SLC15A5: variants seen among roughly 807,000 people sequenced by gnomAD.
SLC15A5 encodes the protein solute carrier family 15 member 5.
SLC15A5 carries 58 observed loss-of-function variants against 56.1 expected under a neutral mutation model. The observed-to-expected ratio is 1.03, with a 90% CI of 0.84 to 1.29. The LOEUF (loss-of-function observed/expected upper bound fraction) is 1.29, where lower values mean the gene tolerates loss of function less well. Among genes scored for constraint, SLC15A5 ranks in the 50% most tolerant of loss-of-function variants. The pLI, the probability that SLC15A5 is intolerant of heterozygous loss-of-function variation, is 0.00. For missense variants in SLC15A5, 681 were observed against 672.1 expected (o/e 1.01, Z -0.15); for synonymous variants, 264 against 250.5 (o/e 1.05, Z -0.51).
At chr12:16,256,566 TAATA>T (rs1298347366) in intron 3 of SLC15A5, among the ~76,000 whole-genome samples, 1 of 152,144 alleles carries the variant, frequency 6.6e-6, no homozygotes, top group East Asian at 1.9e-4. Flanking sequence ...TTTTAAAAAA[TAATA>T]AATTAGGGGC....
At chr12:16,219,982 T>C (rs1373579375) in intron 6 of SLC15A5, among the ~76,000 whole-genome samples, 1 of 152,146 alleles carries the variant, frequency 6.6e-6, no homozygotes, top group Non-Finnish European at 1.5e-5. Context: ...TGAGGAATCT[T>C]CAAAATATAG....
At chr12:16,239,952 G>A in intron 4 of SLC15A5, 85 bp from the exon 5 acceptor site, 1 of 1,211,320 alleles carries the variant, frequency 8.3e-7, no homozygotes, top group South Asian at 1.6e-5. Flanking sequence ...CTACCCTCTT[G>A]CACGTACTCT....
rs999413544 is a variant in SLC15A5 at position 16,242,645 on chromosome 12, G to C, written c.975+1935C>G. On this transcript the variant is annotated intron_variant, in intron 4 of 8. Transcript: ENST00000344941. Reference sequence around the variant, plus strand: ...TGCTTTGCAATAAGTTGCACATCTAGATTTGGTGATATGCTTAAAAATTAG... The same window carrying C: ...TGCTTTGCAATAAGTTGCACATCTACATTTGGTGATATGCTTAAAAATTAG... 2.6e-5 allele frequency among the ~76,000 whole-genome samples: 4 copies of C among 152,168 alleles called. No homozygotes were observed. The South Asian group carries it at 8.3e-4, about 32-fold the overall frequency.
chr12:16,204,349 T>C (rs924770891), intron 7 of SLC15A5, among the ~76,000 whole-genome samples: 1 of 150,870 alleles, frequency 6.6e-6, no homozygotes, highest in African/African-American at 2.4e-5. Context: ...CCCAGCTAGT[T>C]GGGAGGCTGA....
At chr12:16,195,800 A>G (rs957876397) in intron 7 of SLC15A5, among the ~76,000 whole-genome samples, 1 of 152,150 alleles carries the variant, frequency 6.6e-6, no homozygotes, top group Non-Finnish European at 1.5e-5. Context: ...CAGCAAGTGC[A>G]TAAGTATGAC....
chr12:16,219,612 A>T (rs1864166804), intron 6 of SLC15A5, among the ~76,000 whole-genome samples: 1 of 152,050 alleles, frequency 6.6e-6, no homozygotes, highest in African/African-American at 2.4e-5. Flanking sequence ...CTGCTGGTTA[A>T]TCTCTCTTTG....
intron 3 of SLC15A5, among the ~76,000 whole-genome samples, chr12:16,250,115 T>G (rs1380820957): frequency 1.3e-5 from 2 of 152,058 alleles, no homozygotes; most frequent in Non-Finnish European, 2.9e-5. Flanking sequence ...AGGCTTGGGT[T>G]CTGGTTCCAC....
intron 5 of SLC15A5, among the ~76,000 whole-genome samples, chr12:16,229,851 G>A (rs912638864): frequency 4.6e-5 from 7 of 152,216 alleles, no homozygotes; most frequent in Non-Finnish European, 1.0e-4. Context: ...TGAACAATGA[G>A]TGGGTGGTAT....
intron 7 of SLC15A5, among the ~76,000 whole-genome samples, chr12:16,201,036 C>G (rs180736865): frequency 6.6e-6 from 1 of 151,976 alleles, no homozygotes; most frequent in Admixed American, 6.6e-5. Flanking sequence ...TTTAGTTACG[C>G]GTATGCTATT....
At chr12:16,249,691 C>A (rs1864500846) in intron 3 of SLC15A5, among the ~76,000 whole-genome samples, 1 of 151,932 alleles carries the variant, frequency 6.6e-6, no homozygotes, top group African/African-American at 2.4e-5. Flanking sequence ...TTTCTTGATT[C>A]AGATGAATGT....
Position 16,223,789 on chromosome 12 carries a change from C to T in SLC15A5, c.1351+625G>A, listed in dbSNP as rs187808279. ...GGAGTGCAGCGGCACAATCTCGGCT[C>T]ACTGCAACCTCCGCCTCCCGGGTTC... On this transcript the variant is annotated intron_variant, in intron 6 of 8. Coordinates refer to ENST00000344941, the MANE Select transcript of SLC15A5 (RefSeq NM_001170798.1). 1.4e-3 allele frequency among the ~76,000 whole-genome samples: 216 copies of T among 151,744 alleles called. 6 individuals are homozygous for T. In the East Asian group the frequency reaches 0.027, roughly 19 times the overall value.
At chr12:16,229,649 CA>C (rs1488377156) in intron 5 of SLC15A5, among the ~76,000 whole-genome samples, 1 of 80,564 alleles carries the variant, frequency 1.2e-5, no homozygotes, top group African/African-American at 5.1e-5. Flanking sequence ...CACACACATA[CA>C]CACACACACA....
intron 7 of SLC15A5, among the ~76,000 whole-genome samples, chr12:16,205,608 CACATATATATACACATAT>C: frequency 8.0e-6 from 1 of 124,878 alleles, no homozygotes; most frequent in Middle Eastern, 4.3e-3. Flanking sequence ...CACACACACA[CACATATATATACACATAT>C]ATATATACAC....
chr12:16,230,726 A>G (rs1172514643), intron 5 of SLC15A5, among the ~76,000 whole-genome samples: 1 of 149,514 alleles, frequency 6.7e-6, no homozygotes, highest in African/African-American at 2.5e-5. Flanking sequence ...ATCCTGGCTA[A>G]CACGGTGAAA....
chr12:16,233,975 T>C (rs1275607767), intron 5 of SLC15A5, among the ~76,000 whole-genome samples: 3 of 152,338 alleles, frequency 2.0e-5, no homozygotes, highest in African/African-American at 4.8e-5. Flanking sequence ...ATTTAGTTTA[T>C]TGTCTTAGTT....
intron 2 of SLC15A5, among the ~76,000 whole-genome samples, chr12:16,258,694 T>A (rs781435340): frequency 3.2e-4 from 48 of 152,108 alleles, no homozygotes; most frequent in Middle Eastern, 6.8e-3. Flanking sequence ...AGATAAGCCT[T>A]AGTACACTTA....
chr12:16,230,968 G>C (rs1379179404), intron 5 of SLC15A5, among the ~76,000 whole-genome samples: 3 of 151,622 alleles, frequency 2.0e-5, no homozygotes, highest in Non-Finnish European at 4.4e-5. Flanking sequence ...TGTTCTTCAA[G>C]GTTTAGGACC....
chr12:16,203,901 A>C (rs145061803), intron 7 of SLC15A5, among the ~76,000 whole-genome samples: 3 of 152,194 alleles, frequency 2.0e-5, no homozygotes, highest in African/African-American at 4.8e-5. Context: ...ATCTCCCTGT[A>C]TAACAGTGAT....
At chr12:16,191,434 C>A (rs1465082353) in intron 8 of SLC15A5, among the ~76,000 whole-genome samples, 1 of 151,936 alleles carries the variant, frequency 6.6e-6, no homozygotes, top group Non-Finnish European at 1.5e-5. Flanking sequence ...GTTGGGACTG[C>A]CTTGTTCTTG....
Sources: allele counts gnomAD v4.1 joint callset (sites outside exome capture counted in the v4.1 genomes callset), GRCh38; gene constraint gnomAD v4.1.1; transcripts MANE v1.5; gene names NCBI Gene and HGNC (gene_info 2026-07-23, HGNC 2026-07-21).